PRKX: variants seen among roughly 807,000 people sequenced by gnomAD.
The protein encoded by PRKX is cAMP-dependent protein kinase catalytic subunit PRKX.
In PRKX, 12 loss-of-function variants were observed where a neutral mutation model predicts 22.0. The ratio of observed to expected loss-of-function variants is 0.54; its 90% CI spans 0.35 to 0.88. The LOEUF (loss-of-function observed/expected upper bound fraction) is 0.88, where lower values mean the gene tolerates loss of function less well. PRKX is among the 40% of genes least tolerant of loss of function. The pLI is 0.01. For synonymous variants in PRKX, 134 were observed against 137.7 expected, an observed-to-expected ratio of 0.97 and a Z score of 0.19; for missense variants, 217 against 308.0, an observed-to-expected ratio of 0.70 and a Z score of 2.21.
intron 4 of PRKX, among the ~76,000 whole-genome samples, chrX:3,637,709 C>G (rs1471727155): frequency 9.0e-6 from 1 of 111,424 alleles, no homozygotes; most frequent in Non-Finnish European, 1.9e-5. Flanking sequence ...GGTCAGCAGA[C>G]TGGGCTTTGA....
chrX:3,679,446 G>A (rs1928028198), intron 1 of PRKX, among the ~76,000 whole-genome samples: 2 of 112,523 alleles, frequency 1.8e-5, no homozygotes, highest in Admixed American at 9.5e-5. Context: ...AGCTTTAAGG[G>A]GAAAGCTTAA....
chrX:3,668,771 C>T, intron 2 of PRKX, among the ~76,000 whole-genome samples: 1 of 112,377 alleles, frequency 8.9e-6, no homozygotes, highest in Non-Finnish European at 1.9e-5. Context: ...CTGTTTGGCC[C>T]ATAAGCCAAT....
In PRKX at chrX:3,615,168, G is replaced by A. The variant is rs1237785666; in HGVS notation, c.951+647C>T. On this transcript the variant is annotated intron_variant, in intron 7 of 8. Transcript: ENST00000262848. ...CAAGTAGCTGGTACCACAAGCATAT[G>A]CCACCACGCCTGGCTAATTTTGGTA... 4.6e-5 allele frequency among the ~76,000 whole-genome samples: 5 copies of A among 108,920 alleles called. No homozygotes were observed. In the South Asian group the frequency reaches 2.0e-3, roughly 45 times the overall value. 94.6% of individuals were successfully genotyped at this position (108,920 alleles called of 115,157 possible).
At chrX:3,690,405 T>C (rs1045784952) in intron 1 of PRKX, among the ~76,000 whole-genome samples, 5 of 112,586 alleles carry the variant, frequency 4.4e-5, no homozygotes, top group African/African-American at 6.5e-5. Flanking sequence ...CACTCTCCGA[T>C]GTACAGTGTA....
intron 1 of PRKX, among the ~76,000 whole-genome samples, chrX:3,675,904 C>A (rs1428517064): frequency 9.0e-6 from 1 of 111,346 alleles, no homozygotes; most frequent in Admixed American, 9.6e-5. Flanking sequence ...CTCAGCCTAC[C>A]CAGTTAATTT....
intron 1 of PRKX, among the ~76,000 whole-genome samples, chrX:3,701,319 TA>T (rs1928566522): frequency 8.9e-6 from 1 of 111,793 alleles, no homozygotes; most frequent in South Asian, 3.7e-4. Context: ...TTGTCCAGGC[TA>T]GTCTAGAACT....
At chrX:3,653,255 C>T (rs1461784243) in intron 3 of PRKX, among the ~76,000 whole-genome samples, 1 of 110,049 alleles carries the variant, frequency 9.1e-6, no homozygotes, top group African/African-American at 3.3e-5. Flanking sequence ...AGCCCCCTCG[C>T]CCCTTCCACC....
At chrX:3,678,574 C>T (rs1928009719) in intron 1 of PRKX, among the ~76,000 whole-genome samples, 1 of 112,382 alleles carries the variant, frequency 8.9e-6, no homozygotes, top group Non-Finnish European at 1.9e-5. Context: ...TACTTATGCA[C>T]TGCAGCGGAT....
chrX:3,672,790 G>T (rs779242238), intron 2 of PRKX, among the ~76,000 whole-genome samples: 17 of 111,298 alleles, frequency 1.5e-4, no homozygotes, highest in Non-Finnish European at 2.6e-4. Context: ...GGCTGAGGCT[G>T]GAGGACTGCT....
intron 1 of PRKX, among the ~76,000 whole-genome samples, chrX:3,686,086 C>T (rs1928172754): frequency 9.0e-6 from 1 of 111,594 alleles, no homozygotes; most frequent in Non-Finnish European, 1.9e-5. Flanking sequence ...AGAAGCAGAG[C>T]TGGTGTGTGT....
Position 3,713,314 on chromosome X carries a change from C to T in PRKX, c.-61G>A. Reference sequence around the variant, plus strand: ...CGGAGCGCTCGGGGAGCCGGGCTTCCCGGGACGCAGCCTCGGAGGGCGGCG... The same window carrying T: ...CGGAGCGCTCGGGGAGCCGGGCTTCTCGGGACGCAGCCTCGGAGGGCGGCG... On this transcript the variant is annotated 5_prime_UTR_variant, in exon 1 of 9. Transcript: ENST00000262848. 3 of 923,200 alleles carry T rather than the reference C, an allele frequency of 3.2e-6. No individual in the cohort carries two copies. The highest frequency in any genetic ancestry group is 4.1e-6 in the Non-Finnish European group (3 of 737,549). 76.1% of individuals were successfully genotyped at this position (923,200 alleles called of 1,213,427 possible). A position where few individuals can be genotyped will look rare whatever the true frequency, so the allele number is the denominator to read the frequency against.
chrX:3,699,090 A>G (rs7051800), intron 1 of PRKX, among the ~76,000 whole-genome samples: 3,446 of 101,317 alleles, frequency 0.034, 160 homozygotes, highest in African/African-American at 0.12. Context: ...AGGCTGGAGT[A>G]CAGCGGCACC....
chrX:3,705,849 G>A (rs1236879884), intron 1 of PRKX, among the ~76,000 whole-genome samples: 3 of 106,565 alleles, frequency 2.8e-5, no homozygotes, highest in Non-Finnish European at 3.8e-5. Flanking sequence ...CACCACACCC[G>A]GCTAATTTTT....
chrX:3,662,355 C>T (rs1214124974), intron 2 of PRKX, among the ~76,000 whole-genome samples: 1 of 110,855 alleles, frequency 9.0e-6, no homozygotes, highest in East Asian at 2.9e-4. Flanking sequence ...AGCCCAGGAG[C>T]TCAAAACCAG....
chrX:3,696,269 G>A (rs1928440472), intron 1 of PRKX, among the ~76,000 whole-genome samples: 1 of 111,367 alleles, frequency 9.0e-6, no homozygotes, highest in Admixed American at 9.6e-5. Context: ...AGAACTGGGA[G>A]CAATAAATGT....
At chrX:3,618,366 C>T (rs1329960130) in intron 6 of PRKX, among the ~76,000 whole-genome samples, 1 of 111,544 alleles carries the variant, frequency 9.0e-6, no homozygotes, top group Non-Finnish European at 1.9e-5. Flanking sequence ...GCCTGTAATC[C>T]TAGCACTTTG....
At chrX:3,690,577 C>CA (rs1428720683) in intron 1 of PRKX, among the ~76,000 whole-genome samples, 2 of 111,154 alleles carry the variant, frequency 1.8e-5, no homozygotes, top group Non-Finnish European at 3.8e-5. Flanking sequence ...ACTAAAAACA[C>CA]AAAAAACAGC....
intron 2 of PRKX, among the ~76,000 whole-genome samples, chrX:3,671,493 T>C (rs976552553): frequency 9.0e-6 from 1 of 111,627 alleles, no homozygotes; most frequent in Middle Eastern, 4.6e-3. Flanking sequence ...TTAAATTCCA[T>C]GTAGACTTTA....
In PRKX at chrX:3,682,455, A is replaced by C. The variant is rs57453265; in HGVS notation, c.167-7689T>G. ...TAAGATATACACAAAGGCTGGGCAC[A>C]GTGGCTCACCCCTGTAATCCCAGCA... is the stretch of plus-strand genomic sequence containing the variant. On this transcript the variant is annotated intron_variant, in intron 1 of 8. Coordinates refer to ENST00000262848, the MANE Select transcript of PRKX (RefSeq NM_005044.5). Among the ~76,000 whole-genome samples the C allele has an allele frequency of 2.2e-3, 249 of 111,061 alleles. 2 individuals carry two copies. The highest frequency in any genetic ancestry group is 7.9e-3 in the African/African-American group (241 of 30,577).
Sources: gnomAD v4.1 joint callset for allele counts (sites outside exome capture counted in the v4.1 genomes callset) on GRCh38, gnomAD v4.1.1 for gene constraint, MANE v1.5 for transcripts, NCBI Gene and HGNC (gene_info 2026-07-23, HGNC 2026-07-21) for gene names.